The following PLB1 variants were observed in gnomAD, a reference collection of about 807,000 sequenced individuals.
PLB1 encodes the protein phospholipase B1, also known as phospholipase B1, membrane-associated.
In PLB1, 242 loss-of-function variants were observed where a neutral mutation model predicts 227.4. The ratio of observed to expected loss-of-function variants is 1.06; its 90% CI spans 0.96 to 1.18. The LOEUF (loss-of-function observed/expected upper bound fraction) is 1.18. Ranked by LOEUF, PLB1 falls within the 50% of genes most tolerant of loss-of-function variation. The pLI is 0.00. For synonymous variants in PLB1, 757 were observed against 682.2 expected (o/e 1.11, Z -1.71); for missense variants, 1,858 against 1,816.3 (o/e 1.02, Z -0.42).
chr2:28,615,223 T>TG (rs914292321), intron 44 of PLB1, among the ~76,000 whole-genome samples: 1 of 151,886 alleles, frequency 6.6e-6, no homozygotes, highest in African/African-American at 2.4e-5. Flanking sequence ...TCAGAGTGGC[T>TG]GGGGGCATGA....
At position 28,586,361 on chromosome 2, in the gene PLB1, A is replaced by T. The variant is rs146985029; in HGVS notation, c.1815+519A>T. Among the ~76,000 whole-genome samples the T allele has an allele frequency of 3.3e-5, 5 of 152,316 alleles. No homozygotes were observed. In the East Asian group the frequency reaches 9.7e-4, roughly 29 times the overall value. ...ATCTTGGGAGAGCACAAGGAGAAAG[A>T]AAGTCAGGAGATGATCTCCATCTTG... On this transcript the variant is annotated intron_variant, in intron 26 of 57. Transcript: ENST00000327757.
intron 14 of PLB1, among the ~76,000 whole-genome samples, chr2:28,547,719 A>G (rs1673512637): frequency 6.6e-6 from 1 of 152,198 alleles, no homozygotes; most frequent in South Asian, 2.1e-4. Context: ...CAGCCAGATG[A>G]CAGTAAAACT....
At chr2:28,546,321 C>T in intron 14 of PLB1, among the ~76,000 whole-genome samples, 1 of 150,480 alleles carries the variant, frequency 6.6e-6, no homozygotes, top group Admixed American at 6.6e-5. Flanking sequence ...ATCACTGACC[C>T]CACCTTATGC....
Position 28,541,827 on chromosome 2 carries a change from AT to A in PLB1, c.879+17del. On this transcript the variant is annotated intron_variant, in intron 13 of 57. Transcript: ENST00000327757. The stretch of plus-strand genomic sequence containing the variant: ...TCTACACTCGGTAAGTGGGGGCTGC[AT>A]GGCGTATCAAGAGTGTGGTGGGGGC... 1 of 1,590,520 alleles carries A rather than the reference AT, an allele frequency of 6.3e-7. No homozygotes were observed. The highest frequency in any genetic ancestry group is 8.6e-7 in the Non-Finnish European group (1 of 1,159,058).
intron 1 of PLB1, among the ~76,000 whole-genome samples, chr2:28,510,911 A>C (rs901517215): frequency 2.0e-5 from 3 of 151,922 alleles, no homozygotes; most frequent in Non-Finnish European, 4.4e-5. Context: ...TACAAGCATG[A>C]GCCACTGTGC....
chr2:28,574,291 C>T (rs1229046632), intron 21 of PLB1, among the ~76,000 whole-genome samples: 1 of 151,618 alleles, frequency 6.6e-6, no homozygotes, highest in African/African-American at 2.4e-5. Flanking sequence ...GTACCTGTCA[C>T]CTGAGCAGTG....
intron 41 of PLB1, 34 bp downstream of exon 41, chr2:28,604,793 T>C: frequency 1.9e-6 from 3 of 1,577,064 alleles, no homozygotes; most frequent in Non-Finnish European, 2.6e-6. Context: ...GGTACTCTTT[T>C]AGAGGAAGAA....
intron 17 of PLB1, among the ~76,000 whole-genome samples, chr2:28,553,668 A>C (rs577857282): frequency 6.8e-4 from 104 of 152,248 alleles, no homozygotes; most frequent in East Asian, 1.9e-3. Context: ...CATCTGTAGC[A>C]GTGTTATAGA....
chr2:28,526,139 C>T (rs993540397), intron 6 of PLB1, among the ~76,000 whole-genome samples, 194 bp downstream of exon 6: 5 of 152,048 alleles, frequency 3.3e-5, no homozygotes, highest in East Asian at 1.9e-4. Flanking sequence ...TGGGGGTGTG[C>T]GAAATGTATC....
At chr2:28,519,845 A>G in intron 4 of PLB1, 82 bp downstream of exon 4, 1 of 1,077,748 alleles carries the variant, frequency 9.3e-7, no homozygotes, top group Non-Finnish European at 1.4e-6. Context: ...AACTGGGCAG[A>G]ACGTTTCATT....
At chr2:28,640,052 G>A (rs1433888928) in intron 56 of PLB1, among the ~76,000 whole-genome samples, 1 of 152,218 alleles carries the variant, frequency 6.6e-6, no homozygotes, top group East Asian at 1.9e-4. Context: ...AGGAACGGGT[G>A]TAAAAGGCCT....
intron 28 of PLB1, 58 bp from the exon 29 acceptor site, chr2:28,589,947 G>C: frequency 6.5e-7 from 1 of 1,528,526 alleles, no homozygotes; most frequent in Non-Finnish European, 9.1e-7. Context: ...CCTGCGTCCT[G>C]AGCTTTCCAT....
Position 28,590,005 on chromosome 2 carries a change from C to A in PLB1, c.2017C>A (p.Leu673Met). The change falls in exon 29 of 58, where the codon CTG becomes ATG. Residue 673 changes from leucine (L) to methionine (M), a missense_variant and splice_region_variant. Transcript: ENST00000327757. ...RAASALWNNM[L>M]EPVGQKTTRH... is the part of the protein sequence containing the mutation. ...CCCATCTCCCTGCTTCTTTGTTTAG[C>A]TGGAGCCTGTTGGCCAGAAGACGAC... 6.2e-7 allele frequency: 1 copy of A among 1,613,172 alleles called. No individual in the cohort carries two copies. Among genetic ancestry groups the A allele is most frequent in the South Asian group, 1.1e-5 (1 of 91,062 alleles).
At position 28,548,041 on chromosome 2, in the gene PLB1, T is replaced by C. The variant is rs554005680; in HGVS notation, c.937-819T>C. Among the ~76,000 whole-genome samples the C allele has an allele frequency of 1.2e-4, 19 of 152,238 alleles. No homozygotes were observed. The South Asian group carries it at 3.1e-3, about 25-fold the overall frequency. ...AAGTAGCTGCCTATTTCACAGCGGA[T>C]ACCACACCACCCACTCCTGGCTCAC... On this transcript the variant is annotated intron_variant, in intron 14 of 57. Coordinates refer to ENST00000327757, the MANE Select transcript of PLB1 (RefSeq NM_153021.5).
intron 21 of PLB1, among the ~76,000 whole-genome samples, chr2:28,574,322 A>C (rs1678518417): frequency 2.7e-5 from 3 of 110,816 alleles, no homozygotes; most frequent in Admixed American, 9.8e-5. Context: ...TCAATATGTA[A>C]TCTTTAATCC....
rs35990269 is a variant in PLB1 at position 28,606,854 on chromosome 2, A to G, written c.3129+287A>G. Reference sequence around the variant, plus strand: ...GAAAAGTGGGCTCCTGAGAGAGGAAATCAGGATGCCAGGAAAATGGCAGGA... The same window carrying G: ...GAAAAGTGGGCTCCTGAGAGAGGAAGTCAGGATGCCAGGAAAATGGCAGGA... On this transcript the variant is annotated intron_variant, in intron 43 of 57. Transcript: ENST00000327757. 0.071 allele frequency among the ~76,000 whole-genome samples: 10,799 copies of G among 152,186 alleles called. 541 individuals are homozygous for G. The highest frequency in any genetic ancestry group is 0.11 in the Non-Finnish European group (7,403 of 67,964).
chr2:28,500,115 C>A (rs1666916681), intron 1 of PLB1, among the ~76,000 whole-genome samples: 1 of 152,066 alleles, frequency 6.6e-6, no homozygotes, highest in Admixed American at 6.6e-5. Flanking sequence ...AATAAATTGA[C>A]TTTTTATTAT....
At chr2:28,558,900 T>C (rs980650773) in intron 17 of PLB1, among the ~76,000 whole-genome samples, 4 of 152,228 alleles carry the variant, frequency 2.6e-5, no homozygotes, top group Non-Finnish European at 5.9e-5. Flanking sequence ...GTCTTTTTTT[T>C]CTTTTTTATT....
In PLB1 at chr2:28,534,621, C is replaced by T. The variant is rs546979501; in HGVS notation, c.555+2427C>T. ...CTGTAATCCCAGCACTTTAGGAGGC[C>T]GAGGCAGGTGGATCACAAGGTTAGG... On this transcript the variant is annotated intron_variant, in intron 9 of 57. Transcript: ENST00000327757. Among the ~76,000 whole-genome samples, 13 of 152,198 alleles carry T rather than the reference C, an allele frequency of 8.5e-5. No homozygotes were observed. In the South Asian group the frequency reaches 1.9e-3, roughly 22 times the overall value.
Sources: gnomAD v4.1 joint callset for allele counts (sites outside exome capture counted in the v4.1 genomes callset) on GRCh38, gnomAD v4.1.1 for gene constraint, MANE v1.5 for transcripts, NCBI Gene and HGNC (gene_info 2026-07-23, HGNC 2026-07-21) for gene names.